Variants in LMO1 observed in about 807,000 individuals in gnomAD.
The protein encoded by LMO1 is LIM domain only 1.
A neutral mutation model predicts 18.0 loss-of-function variants in LMO1; 10 were observed. The ratio of observed to expected loss-of-function variants is 0.55; its 90% CI spans 0.34 to 0.94. The LOEUF (loss-of-function observed/expected upper bound fraction) is 0.94. Ranked by LOEUF, LMO1 falls within the 40% of genes least tolerant of loss-of-function variation. LMO1 has a pLI of 0.02. For synonymous variants in LMO1, 77 were observed against 77.9 expected (o/e 0.99, Z 0.06); for missense variants, 183 against 205.7 (o/e 0.89, Z 0.68).
chr11:8,262,673 T>C (rs890965463), intron 1 of LMO1, among the ~76,000 whole-genome samples: 1 of 152,222 alleles, frequency 6.6e-6, no homozygotes, highest in Non-Finnish European at 1.5e-5. Context: ...CGGGACACTT[T>C]CTTCCTCTGG....
upstream of LMO1, among the ~76,000 whole-genome samples, chr11:8,266,448 T>C (rs1847262192): frequency 6.9e-6 from 1 of 143,900 alleles, no homozygotes; most frequent in Non-Finnish European, 1.5e-5. Context: ...TCAGATCCCC[T>C]GGGGCTGGGG....
chr11:8,231,977 A>G (rs1952670530), intron 1 of LMO1, among the ~76,000 whole-genome samples: 1 of 152,196 alleles, frequency 6.6e-6, no homozygotes, highest in South Asian at 2.1e-4. Context: ...CTCATACTAC[A>G]GATGGGGAAA....
intron 1 of LMO1, among the ~76,000 whole-genome samples, chr11:8,249,218 C>T (rs1434841072): frequency 6.6e-6 from 1 of 152,152 alleles, no homozygotes; most frequent in African/African-American, 2.4e-5. Flanking sequence ...CCCAGACCCT[C>T]ACCTGCCTCA....
chr11:8,234,842 A>T (rs1313270250), intron 1 of LMO1, among the ~76,000 whole-genome samples: 1 of 152,124 alleles, frequency 6.6e-6, no homozygotes, highest in African/African-American at 2.4e-5. Flanking sequence ...CCAGGAAGAA[A>T]CGCCTTTGTC....
At chr11:8,252,234 A>T (rs932436081) in intron 1 of LMO1, among the ~76,000 whole-genome samples, 1 of 152,134 alleles carries the variant, frequency 6.6e-6, no homozygotes, top group Non-Finnish European at 1.5e-5. Flanking sequence ...CCTCTGCAAA[A>T]TGGGGCTAGT....
At chr11:8,251,930 A>G (rs1847005667) in intron 1 of LMO1, among the ~76,000 whole-genome samples, 1 of 115,764 alleles carries the variant, frequency 8.6e-6, no homozygotes, top group African/African-American at 3.3e-5. Context: ...TGGGTGTGTA[A>G]TGTGTGTGAA....
At chr11:8,251,973 T>A in intron 1 of LMO1, among the ~76,000 whole-genome samples, 1 of 110,734 alleles carries the variant, frequency 9.0e-6, no homozygotes, top group Non-Finnish European at 2.0e-5. Flanking sequence ...TGTGTGGGGG[T>A]GTGCGTGTGT....
At chr11:8,244,182 T>C (rs1846849500) in intron 1 of LMO1, among the ~76,000 whole-genome samples, 1 of 148,224 alleles carries the variant, frequency 6.7e-6, no homozygotes, top group African/African-American at 2.6e-5. Context: ...GAAAGGAGGC[T>C]GGGGTCACCA....
At chr11:8,243,312 G>C (rs1846831322) in intron 1 of LMO1, among the ~76,000 whole-genome samples, 1 of 152,224 alleles carries the variant, frequency 6.6e-6, no homozygotes, top group Admixed American at 6.5e-5. Context: ...GAGGTTCAGG[G>C]AGCATCCGTA....
Position 8,263,788 on chromosome 11 carries a change from C to T in LMO1, c.-426G>A. ...TCAGCCTCATAAAGTGTTTTCCCCT[C>T]GGATTTAATCTGAATCTCAATCTAA... On this transcript the variant is annotated 5_prime_UTR_variant, in exon 1 of 4. Transcript: ENST00000335790. The T allele has an allele frequency of 2.8e-6, 3 of 1,071,650 alleles. No individual in the cohort carries two copies. The highest frequency in any genetic ancestry group is 1.6e-5 in the African/African-American group (1 of 61,108). 66.4% of individuals were successfully genotyped at this position (1,071,650 alleles called of 1,614,324 possible).
intron 1 of LMO1, among the ~76,000 whole-genome samples, chr11:8,249,570 T>A (rs780280161): frequency 6.6e-6 from 1 of 152,192 alleles, no homozygotes; most frequent in Non-Finnish European, 1.5e-5. Context: ...AACCTCAGCA[T>A]CATGCAGTAT....
At chr11:8,241,073 T>G (rs1380572929) in intron 1 of LMO1, among the ~76,000 whole-genome samples, 1 of 152,194 alleles carries the variant, frequency 6.6e-6, no homozygotes, top group Non-Finnish European at 1.5e-5. Context: ...TTTGGTTGTC[T>G]CTAGAAAGTC....
intron 1 of LMO1, among the ~76,000 whole-genome samples, chr11:8,262,892 C>T (rs1847210431): frequency 6.6e-6 from 1 of 151,698 alleles, no homozygotes; most frequent in Admixed American, 6.6e-5. Flanking sequence ...TCCCCGAAGC[C>T]GCTGATTTGC....
At chr11:8,259,002 A>G (rs772110443) in intron 1 of LMO1, among the ~76,000 whole-genome samples, 2 of 152,220 alleles carry the variant, frequency 1.3e-5, no homozygotes, top group Non-Finnish European at 2.9e-5. Context: ...TATTGACTGC[A>G]TTACACGCTC....
chr11:8,268,497 G>A, upstream of LMO1: 4 of 1,356,602 alleles, frequency 2.9e-6, no homozygotes, highest in Middle Eastern at 1.9e-4. Context: ...GGAGGGGCGC[G>A]TGGCTCCGAC....
At chr11:8,250,799 A>G (rs968068021) in intron 1 of LMO1, among the ~76,000 whole-genome samples, 4 of 152,258 alleles carry the variant, frequency 2.6e-5, no homozygotes, top group Non-Finnish European at 5.9e-5. Context: ...CAGCTGAGAA[A>G]GGAAGCAGAC....
intron 1 of LMO1, among the ~76,000 whole-genome samples, chr11:8,236,110 T>A (rs1198463547): frequency 6.6e-6 from 1 of 152,106 alleles, no homozygotes; most frequent in African/African-American, 2.4e-5. Flanking sequence ...TGGGAAGCAG[T>A]TGCTGTGGCA....
intron 1 of LMO1, among the ~76,000 whole-genome samples, chr11:8,231,376 C>G (rs1412877087): frequency 2.0e-5 from 3 of 152,264 alleles, no homozygotes; most frequent in Non-Finnish European, 4.4e-5. Flanking sequence ...CCCTCACACA[C>G]AGGCACGACG....
In LMO1 at chr11:8,255,222, T is replaced by A. The variant is rs1590559463; in HGVS notation, c.25+8116A>T. ...CTCAAGAAGCCTTGTGTAGGCTGGG[T>A]GTGGTGGTGCGCAGTGGCACAAGCT... On this transcript the variant is annotated intron_variant, in intron 1 of 3. Coordinates refer to ENST00000335790, the MANE Select transcript of LMO1 (RefSeq NM_002315.3). Among the ~76,000 whole-genome samples, 5 of 151,932 alleles carry A rather than the reference T, an allele frequency of 3.3e-5. No individual in the cohort carries two copies. The South Asian group carries it at 1.0e-3, about 32-fold the overall frequency.
Sources: gnomAD v4.1 joint callset for allele counts (sites outside exome capture counted in the v4.1 genomes callset) on GRCh38, gnomAD v4.1.1 for gene constraint, MANE v1.5 for transcripts, NCBI Gene and HGNC (gene_info 2026-07-23, HGNC 2026-07-21) for gene names.